RAPGEF6: variants seen among roughly 807,000 people sequenced by gnomAD.
The protein encoded by RAPGEF6 is PDZ domain containing guanine nucleotide exchange factor (GEF) 2.
A neutral mutation model predicts 171.4 loss-of-function variants in RAPGEF6; 56 were observed. The ratio of observed to expected loss-of-function variants is 0.33; its 90% confidence interval spans 0.26 to 0.41. RAPGEF6 has a LOEUF of 0.41. Among genes scored for constraint, RAPGEF6 ranks in the 10% least tolerant of loss-of-function variants. The pLI is 1.00. For synonymous variants in RAPGEF6, 692 were observed against 650.1 expected (o/e 1.06, Z -0.98); for missense variants, 1,674 against 1,921.4 (o/e 0.87, Z 2.41).
chr5:131,479,400 T>C, intron 16 of RAPGEF6, 113 bp downstream of exon 16: 1 of 1,116,026 alleles, frequency 9.0e-7, no homozygotes, highest in Non-Finnish European at 1.3e-6. Context: ...GAAGACTTTA[T>C]GATACATTAG....
At chr5:131,476,408 T>C (rs1396737671) in intron 16 of RAPGEF6, among the ~76,000 whole-genome samples, 1 of 152,162 alleles carries the variant, frequency 6.6e-6, no homozygotes, top group African/African-American at 2.4e-5. Flanking sequence ...CAGACCAGCC[T>C]GGCCAACATG....
intron 4 of RAPGEF6, among the ~76,000 whole-genome samples, chr5:131,571,217 C>T (rs1762260197): frequency 6.6e-6 from 1 of 152,124 alleles, no homozygotes; most frequent in African/African-American, 2.4e-5. Context: ...GCTGCGATTA[C>T]AGGTGTAAGC....
chr5:131,466,095 C>CAA (rs769107975), intron 17 of RAPGEF6, among the ~76,000 whole-genome samples: 956 of 50,842 alleles, frequency 0.019, 23 homozygotes, highest in African/African-American at 0.054. Flanking sequence ...GACTGAGGAC[C>CAA]AAAAAAAAAA....
chr5:131,527,664 T>C (rs1000126782), intron 6 of RAPGEF6, among the ~76,000 whole-genome samples: 3 of 152,138 alleles, frequency 2.0e-5, no homozygotes, highest in Admixed American at 2.0e-4. Flanking sequence ...GAGACACTAG[T>C]TGAAGCACAA....
At chr5:131,566,734 T>C (rs1761964267) in intron 4 of RAPGEF6, among the ~76,000 whole-genome samples, 1 of 151,132 alleles carries the variant, frequency 6.6e-6, no homozygotes, top group African/African-American at 2.5e-5. Flanking sequence ...AGTTTCTTTT[T>C]CTTTTTTTTT....
rs544227839 is a variant in RAPGEF6 at position 131,553,754 on chromosome 5, G to A, written c.352-5564C>T. 1.3e-4 allele frequency among the ~76,000 whole-genome samples: 20 copies of A among 151,916 alleles called. No individual in the cohort carries two copies. In the South Asian group the frequency reaches 4.0e-3, roughly 30 times the overall value. On this transcript the variant is annotated intron_variant, in intron 5 of 27. Coordinates refer to ENST00000509018, the MANE Select transcript of RAPGEF6 (RefSeq NM_016340.6). ...ACAATAAAATTACCAAAGAGAAAGA[G>A]GAAAAGAGTTAAATAAGAAAAATGA...
At chr5:131,558,724 C>A (rs1021853251) in intron 5 of RAPGEF6, among the ~76,000 whole-genome samples, 2 of 151,882 alleles carry the variant, frequency 1.3e-5, no homozygotes, top group Non-Finnish European at 2.9e-5. Context: ...TTAGAGCATA[C>A]GCCTGAATTT....
At chr5:131,571,688 G>A (rs750770312) in intron 4 of RAPGEF6, among the ~76,000 whole-genome samples, 2 of 152,116 alleles carry the variant, frequency 1.3e-5, no homozygotes, top group South Asian at 4.1e-4. Flanking sequence ...AACCTCAGCA[G>A]GTGTTTTTGT....
intron 1 of RAPGEF6, among the ~76,000 whole-genome samples, chr5:131,626,810 G>A (rs772953778): frequency 4.1e-4 from 62 of 152,022 alleles, no homozygotes; most frequent in Middle Eastern, 3.4e-3. Context: ...CAGTTTAAGC[G>A]GGACAGTCCC....
At chr5:131,456,638 C>T (rs114534768) in intron 19 of RAPGEF6, among the ~76,000 whole-genome samples, 3,031 of 152,278 alleles carry the variant, frequency 0.02, 104 homozygotes, top group African/African-American at 0.069. Context: ...GAATCCTTTA[C>T]CTCTACAGTA....
chr5:131,530,046 TAC>T, intron 6 of RAPGEF6, among the ~76,000 whole-genome samples: 1 of 150,766 alleles, frequency 6.6e-6, no homozygotes, highest in Non-Finnish European at 1.5e-5. Flanking sequence ...TAGCTGGGAC[TAC>T]AGATATGTGG....
At chr5:131,451,051 G>C (rs567575898) in intron 21 of RAPGEF6, among the ~76,000 whole-genome samples, 2 of 152,218 alleles carry the variant, frequency 1.3e-5, no homozygotes, top group Non-Finnish European at 2.9e-5. Context: ...GAGTGTTAGG[G>C]TCATTGTACA....
chr5:131,569,539 AC>A (rs2149977536), intron 4 of RAPGEF6, among the ~76,000 whole-genome samples: 1 of 152,364 alleles, frequency 6.6e-6, no homozygotes, highest in East Asian at 1.9e-4. Flanking sequence ...ATATATATAT[AC>A]AAACAAAACA....
intron 27 of RAPGEF6, among the ~76,000 whole-genome samples, chr5:131,428,067 C>A (rs1254222731): frequency 6.6e-6 from 1 of 152,100 alleles, no homozygotes; most frequent in African/African-American, 2.4e-5. Flanking sequence ...CATGCCACTG[C>A]ACTCCAGCCT....
chr5:131,575,016 A>T (rs185045140), intron 4 of RAPGEF6, among the ~76,000 whole-genome samples: 108 of 152,268 alleles, frequency 7.1e-4, no homozygotes, highest in Middle Eastern at 3.4e-3. Context: ...TCTTCGCTTT[A>T]TTAACCAAAT....
At chr5:131,473,928 TG>T (rs1459918484) in intron 16 of RAPGEF6, among the ~76,000 whole-genome samples, 1 of 152,092 alleles carries the variant, frequency 6.6e-6, no homozygotes, top group Non-Finnish European at 1.5e-5. Context: ...CAAAGAGACA[TG>T]GAAGAAAGCA....
rs1056899063 is a variant in RAPGEF6 at position 131,509,409 on chromosome 5, G to A, written c.805+905C>T. On this transcript the variant is annotated intron_variant, in intron 8 of 27. Transcript: ENST00000509018. ...ATACAAAAAATTAGCCAGGCGTGGTGGCGGGCGCCTGTAGTCCCAGCTACT... is the reference window on the plus strand; with the variant it reads ...ATACAAAAAATTAGCCAGGCGTGGTAGCGGGCGCCTGTAGTCCCAGCTACT... Among the ~76,000 whole-genome samples, 6 of 152,002 alleles carry A rather than the reference G, an allele frequency of 3.9e-5. No homozygotes were observed. In the East Asian group the frequency reaches 1.2e-3, roughly 29 times the overall value.
At chr5:131,629,175 A>AGAT (rs1766133482) in intron 1 of RAPGEF6, among the ~76,000 whole-genome samples, 1 of 152,206 alleles carries the variant, frequency 6.6e-6, no homozygotes, top group African/African-American at 2.4e-5. Context: ...TCATCATTCC[A>AGAT]GATGCCATTA....
intron 4 of RAPGEF6, among the ~76,000 whole-genome samples, chr5:131,586,874 C>T (rs1763284671): frequency 6.6e-6 from 1 of 152,140 alleles, no homozygotes; most frequent in South Asian, 2.1e-4. Flanking sequence ...TTAATGTAGG[C>T]ACACCCTGTT....
Sources: allele counts gnomAD v4.1 joint callset (sites outside exome capture counted in the v4.1 genomes callset), GRCh38; gene constraint gnomAD v4.1.1; transcripts MANE v1.5; gene names NCBI Gene and HGNC (gene_info 2026-07-23, HGNC 2026-07-21).